Variants in CCNE2 observed in about 807,000 individuals in gnomAD.
CCNE2 encodes cyclin E2, also known as G1/S-specific cyclin-E2.
In CCNE2, 18 loss-of-function variants were observed where a neutral mutation model predicts 56.8. The ratio of observed to expected loss-of-function variants is 0.32; its 90% CI spans 0.22 to 0.47. The LOEUF is 0.47. CCNE2 is among the 20% of genes least tolerant of loss of function. The probability of loss-of-function intolerance (pLI) is 1.00; values close to 1 mark genes in which losing one functional copy is unlikely to be tolerated. For missense variants in CCNE2, 371 were observed against 467.1 expected, an observed-to-expected ratio of 0.79 and a Z score of 1.90; for synonymous variants, 139 against 149.2, an observed-to-expected ratio of 0.93 and a Z score of 0.50.
chr8:94,882,068 C>T (rs1315631332), intron 11 of CCNE2, 64 bp downstream of exon 11: 1 of 1,472,740 alleles, frequency 6.8e-7, no homozygotes, highest in African/African-American at 1.4e-5. Context: ...TCTATTCCTA[C>T]CATCAGTTTT....
chr8:94,894,676 T>A (rs989170188), intron 1 of CCNE2: 4 of 157,546 alleles, frequency 2.5e-5, no homozygotes, highest in African/African-American at 4.8e-5. Flanking sequence ...CCGCGCCAAT[T>A]TGGAGAGCGG....
chr8:94,884,339 C>G (rs1167390127), intron 9 of CCNE2, among the ~76,000 whole-genome samples: 1 of 104,996 alleles, frequency 9.5e-6, no homozygotes, highest in Non-Finnish European at 1.9e-5. Flanking sequence ...ATGGGATCTC[C>G]TCTTTTTTTT....
At chr8:94,888,455 G>A (rs1817111601) in intron 6 of CCNE2, among the ~76,000 whole-genome samples, 1 of 151,992 alleles carries the variant, frequency 6.6e-6, no homozygotes, top group Non-Finnish European at 1.5e-5. Context: ...ACACTTTTAG[G>A]GAAAGATTTT....
intron 1 of CCNE2, chr8:94,894,717 C>T (rs113988362): frequency 1.1e-4 from 17 of 154,788 alleles, no homozygotes; most frequent in African/African-American, 4.1e-4. Flanking sequence ...GCGGAGGAAC[C>T]AAGACTGGTG....
rs771492066 is a variant in CCNE2 at position 94,881,169 on chromosome 8, A to AT, written c.*462dup. On this transcript the variant is annotated 3_prime_UTR_variant, in exon 12 of 12. Transcript: ENST00000308108. ...ACCTTTGTAAACAAGTTTAAATTTA[A>AT]TTTTCAAGAACCAAATTGCACTAGT... 246 of 388,462 alleles carry AT rather than the reference A, an allele frequency of 6.3e-4. No individual in the cohort carries two copies. Among genetic ancestry groups the AT allele is most frequent in the Non-Finnish European group, 8.7e-4 (191 of 220,024 alleles). The allele number at this position is 388,462 out of a possible 1,614,324, so 24.1% of individuals were successfully genotyped here.
At chr8:94,890,779 A>C (rs1374053913) in intron 5 of CCNE2, among the ~76,000 whole-genome samples, 3 of 151,828 alleles carry the variant, frequency 2.0e-5, no homozygotes, top group Admixed American at 6.6e-5. Flanking sequence ...TTTTTAGTAG[A>C]GATGGGGTTT....
chr8:94,890,565 G>GA lies in CCNE2; in HGVS notation c.318-16dup, dbSNP rs770729021. 1.1e-5 allele frequency: 14 copies of GA among 1,244,054 alleles called. No homozygotes were observed. In the African/African-American group the frequency reaches 1.3e-4, roughly 12 times the overall value. 77.1% of individuals were successfully genotyped at this position (1,244,054 alleles called of 1,614,324 possible). ...AACATCCCCAGCTATGGAAAGAGAG[G>GA]AAAAAAACCATATATATATATATAT... On this transcript the variant is annotated splice_polypyrimidine_tract_variant and intron_variant, in intron 5 of 11. Transcript: ENST00000308108.
chr8:94,881,738 A>G lies in CCNE2; in HGVS notation c.1109T>C (p.Val370Ala). Residue 370 changes from valine (V) to alanine (A), a missense_variant, in exon 12 of 12, where the codon GTA becomes GCA. Transcript: ENST00000308108. ...TTTTCTGAAGGTGTTTATGTAATTTACTTCCTCCTATACATGGGAAGAAAT... is the reference window on the plus strand; with the variant it reads ...TTTTCTGAAGGTGTTTATGTAATTTGCTTCCTCCTATACATGGGAAGAAAT... ...HTNYLAMLEE[V>A]NYINTFRKGG... 1 of 1,613,638 alleles carries G rather than the reference A, an allele frequency of 6.2e-7. No homozygotes were observed. The highest frequency in any genetic ancestry group is 8.5e-7 in the Non-Finnish European group (1 of 1,179,764).
intron 5 of CCNE2, 62 bp downstream of exon 5, chr8:94,892,756 G>A (rs1375448834): frequency 2.3e-6 from 2 of 861,140 alleles, no homozygotes; most frequent in African/African-American, 3.5e-5. Flanking sequence ...ACAAAATAGT[G>A]CCATGTATTA....
At chr8:94,886,578 G>A (rs1193746303) in intron 7 of CCNE2, among the ~76,000 whole-genome samples, 4 of 152,164 alleles carry the variant, frequency 2.6e-5, no homozygotes, top group Non-Finnish European at 5.9e-5. Context: ...GTGGATCCCT[G>A]TAGTCTCAGC....
intron 6 of CCNE2, among the ~76,000 whole-genome samples, chr8:94,888,403 T>C (rs1817110163): frequency 6.6e-6 from 1 of 152,248 alleles, no homozygotes; most frequent in Non-Finnish European, 1.5e-5. Context: ...TGCCCTGATG[T>C]TTCACTATTG....
intron 7 of CCNE2, among the ~76,000 whole-genome samples, chr8:94,885,972 G>A (rs1243870508): frequency 2.6e-5 from 4 of 152,006 alleles, no homozygotes; most frequent in Admixed American, 2.0e-4. Context: ...GCCTGCCTTG[G>A]CCTCCCAAAG....
At chr8:94,883,257 A>G (rs1449108418) in intron 9 of CCNE2, among the ~76,000 whole-genome samples, 1 of 151,672 alleles carries the variant, frequency 6.6e-6, no homozygotes, top group Non-Finnish European at 1.5e-5. Flanking sequence ...GCCTGGGCGA[A>G]AGAGCGAGAC....
chr8:94,894,652 TGGA>T (rs1817397707), intron 1 of CCNE2: 1 of 167,002 alleles, frequency 6.0e-6, no homozygotes, highest in Non-Finnish European at 1.3e-5. Context: ...CGAAATGCTG[TGGA>T]GAAGCCGGTT....
chr8:94,894,204 T>C lies in CCNE2; in HGVS notation c.14+4A>G, dbSNP rs1563685833. On this transcript the variant is annotated splice_donor_region_variant and intron_variant, in intron 2 of 11. Transcript: ENST00000308108. Reference sequence around the variant, plus strand: ...AAACATGTCTCTAAGACAGATAATGTTACCTTCGTCTTGACATTCTCTTCT... The same window carrying C: ...AAACATGTCTCTAAGACAGATAATGCTACCTTCGTCTTGACATTCTCTTCT... 1 of 1,614,172 alleles carries C rather than the reference T, an allele frequency of 6.2e-7. No individual in the cohort carries two copies. Among genetic ancestry groups the C allele is most frequent in the Non-Finnish European group, 8.5e-7 (1 of 1,179,992 alleles).
intron 7 of CCNE2, among the ~76,000 whole-genome samples, chr8:94,887,035 TA>T (rs1291548958): frequency 4.6e-5 from 7 of 152,116 alleles, no homozygotes; most frequent in African/African-American, 1.2e-4. Flanking sequence ...GGAAAACACT[TA>T]AAAAATTAAT....
Position 94,894,118 on chromosome 8 carries a change from T to C in CCNE2, c.16A>G (p.Ser6Gly), listed in dbSNP as rs769501285. The part of the protein sequence containing the change: MSRRS[S>G]RLQAKQQPQP... ...GGCTGCTGCTTAGCTTGTAAACGGC[T>C]ACTGTAGTGAATTTTTAAAAAGGAA... The change falls in exon 3 of 12, where the codon AGC becomes GGC. Residue 6 changes from serine (S) to glycine (G), a missense_variant and splice_region_variant. Physicochemically the swap from Ser to Gly is moderately conservative, Grantham distance 56. Transcript: ENST00000308108. 6.2e-7 allele frequency: 1 copy of C among 1,613,742 alleles called. No homozygotes were observed.
rs1012567431 is a variant in CCNE2 at position 94,880,539 on chromosome 8, T to C, written c.*1093A>G. 3 of 306,182 alleles carry C rather than the reference T, an allele frequency of 9.8e-6. No homozygotes were observed. The highest frequency in any genetic ancestry group is 1.8e-5 in the Non-Finnish European group (3 of 170,496). 19.0% of individuals were successfully genotyped at this position (306,182 alleles called of 1,614,324 possible). On this transcript the variant is annotated 3_prime_UTR_variant, in exon 12 of 12. Coordinates refer to ENST00000308108, the MANE Select transcript of CCNE2 (RefSeq NM_057749.3). ...TTTTTAGAAAAGCTAATTTAAAATA[T>C]TTAGAAATAGCTAGCCTATGTACAG... is the stretch of plus-strand genomic sequence containing the variant.
chr8:94,881,913 CTCTT>C, intron 11 of CCNE2, 168 bp from the exon 12 acceptor site: 3 of 899,828 alleles, frequency 3.3e-6, no homozygotes, highest in South Asian at 3.8e-5. Flanking sequence ...ATTTTTTAAA[CTCTT>C]TATCTAGACT....
Sources: gnomAD v4.1 joint callset for allele counts (sites outside exome capture counted in the v4.1 genomes callset) on GRCh38, gnomAD v4.1.1 for gene constraint, MANE v1.5 for transcripts, NCBI Gene and HGNC (gene_info 2026-07-23, HGNC 2026-07-21) for gene names.